The following APPBP2 variants were observed in gnomAD, a reference collection of about 807,000 sequenced individuals.
APPBP2 encodes amyloid beta precursor protein binding protein 2.
APPBP2 carries 15 observed loss-of-function variants against 76.0 expected under a neutral mutation model. The ratio of observed to expected loss-of-function variants is 0.20; its 90% CI spans 0.13 to 0.30. APPBP2 has a LOEUF of 0.30. APPBP2 is among the 10% of genes least tolerant of loss of function. The probability of loss-of-function intolerance (pLI) is 1.00; values close to 1 mark genes in which losing one functional copy is unlikely to be tolerated. For synonymous variants in APPBP2, 222 were observed against 242.2 expected (o/e 0.92, Z 0.77); for missense variants, 401 against 687.2 (o/e 0.58, Z 4.66).
chr17:60,482,466 T>C (rs1328024209), intron 3 of APPBP2, among the ~76,000 whole-genome samples: 3 of 152,196 alleles, frequency 2.0e-5, no homozygotes, highest in Non-Finnish European at 4.4e-5. Flanking sequence ...ATTATTATTA[T>C]ACTTTAAGTT....
intron 6 of APPBP2, chr17:60,462,578 C>G (rs1047235839): frequency 7.2e-5 from 11 of 153,086 alleles, no homozygotes; most frequent in African/African-American, 2.7e-4. Context: ...CCACTGTGCA[C>G]AGCTCTCAGT....
chr17:60,516,186 C>A (rs543517027), intron 1 of APPBP2, among the ~76,000 whole-genome samples: 115 of 151,160 alleles, frequency 7.6e-4, no homozygotes, highest in African/African-American at 2.4e-3. Context: ...AAAAAAAAAA[C>A]AAACAAAAAA....
chr17:60,454,070 C>T (rs2090415750), intron 11 of APPBP2, among the ~76,000 whole-genome samples: 1 of 152,074 alleles, frequency 6.6e-6, no homozygotes, highest in Non-Finnish European at 1.5e-5. Flanking sequence ...CCTATGTTGT[C>T]CAGGCTGGTC....
At chr17:60,470,431 T>A (rs781377659) in intron 4 of APPBP2, among the ~76,000 whole-genome samples, 24 of 152,028 alleles carry the variant, frequency 1.6e-4, no homozygotes, top group African/African-American at 2.2e-4. Context: ...GGCTGATTTT[T>A]AAAAAAATTA....
chr17:60,512,418 A>G (rs147935731), intron 1 of APPBP2, among the ~76,000 whole-genome samples: 19 of 152,236 alleles, frequency 1.2e-4, no homozygotes, highest in Non-Finnish European at 2.1e-4. Context: ...TTGCATATAG[A>G]AAAATTGAAT....
At chr17:60,470,954 C>T (rs560076193) in intron 4 of APPBP2, among the ~76,000 whole-genome samples, 160 of 149,546 alleles carry the variant, frequency 1.1e-3, no homozygotes, top group African/African-American at 4.0e-3. Flanking sequence ...CCACGCCTGG[C>T]TAATTTTTGT....
intron 4 of APPBP2, among the ~76,000 whole-genome samples, chr17:60,476,432 A>G (rs1032828818): frequency 9.9e-5 from 15 of 152,154 alleles, no homozygotes; most frequent in African/African-American, 3.1e-4. Context: ...TAATACCCCA[A>G]ATTTCTCTCT....
At chr17:60,507,042 T>C (rs969455242) in intron 1 of APPBP2, among the ~76,000 whole-genome samples, 3 of 151,914 alleles carry the variant, frequency 2.0e-5, no homozygotes, top group Non-Finnish European at 2.9e-5. Flanking sequence ...CTCAAAAAAA[T>C]AAAAATTTTT....
At chr17:60,508,814 A>G (rs1295853177) in intron 1 of APPBP2, among the ~76,000 whole-genome samples, 1 of 152,164 alleles carries the variant, frequency 6.6e-6, no homozygotes, top group Non-Finnish European at 1.5e-5. Flanking sequence ...AGTGAAACCC[A>G]TGAAGTCCCC....
At chr17:60,487,856 ATGGTGACCTACAGG>A (rs1327926781) in intron 3 of APPBP2, among the ~76,000 whole-genome samples, 1 of 152,122 alleles carries the variant, frequency 6.6e-6, no homozygotes, top group South Asian at 2.1e-4. Flanking sequence ...GTCTTTGATG[ATGGTGACCTACAGG>A]TGGGGTTTTG....
At chr17:60,500,265 C>T (rs1299589902) in intron 2 of APPBP2, 134 bp downstream of exon 2, 2 of 597,220 alleles carry the variant, frequency 3.3e-6, no homozygotes, top group Admixed American at 3.4e-5. Context: ...CCTCAGCCTC[C>T]CAAAGTGCTG....
chr17:60,501,573 T>C (rs1288569247), intron 1 of APPBP2, among the ~76,000 whole-genome samples: 8 of 152,146 alleles, frequency 5.3e-5, no homozygotes, highest in Admixed American at 3.9e-4. Flanking sequence ...TTTTTTTGTA[T>C]TTTTAGTAGA....
At chr17:60,451,624 C>T (rs911905212) in intron 12 of APPBP2, among the ~76,000 whole-genome samples, 4 of 152,052 alleles carry the variant, frequency 2.6e-5, no homozygotes, top group Non-Finnish European at 1.5e-5. Context: ...CAGACATGCA[C>T]CATCATGCCC....
intron 1 of APPBP2, among the ~76,000 whole-genome samples, chr17:60,519,763 T>A (rs371557619): frequency 2.0e-5 from 3 of 151,404 alleles, no homozygotes; most frequent in East Asian, 3.9e-4. Context: ...TTTATAATTT[T>A]AGTAGCCAAA....
intron 1 of APPBP2, among the ~76,000 whole-genome samples, chr17:60,515,183 T>C (rs1200831522): frequency 6.8e-6 from 1 of 148,074 alleles, no homozygotes; most frequent in East Asian, 2.0e-4. Context: ...TGGCACGATC[T>C]CAGCTCACTG....
chr17:60,482,308 A>G (rs2090636222), intron 3 of APPBP2, among the ~76,000 whole-genome samples: 1 of 150,876 alleles, frequency 6.6e-6, no homozygotes, highest in African/African-American at 2.5e-5. Context: ...CCTGTTAAGA[A>G]ATGTTTAATT....
chr17:60,477,179 A>G (rs1239681535), intron 4 of APPBP2, among the ~76,000 whole-genome samples: 1 of 152,214 alleles, frequency 6.6e-6, no homozygotes, highest in East Asian at 1.9e-4. Flanking sequence ...CTTGCTACAG[A>G]TGACAAACTA....
intron 6 of APPBP2, chr17:60,462,294 T>G (rs113439480): frequency 3.9e-4 from 168 of 432,892 alleles, no homozygotes; most frequent in African/African-American, 3.0e-3. Flanking sequence ...CAGTCAGTCC[T>G]AGTACAAATC....
intron 4 of APPBP2, among the ~76,000 whole-genome samples, chr17:60,474,358 G>C (rs771639156): frequency 6.6e-6 from 1 of 151,834 alleles, no homozygotes; most frequent in African/African-American, 2.4e-5. Flanking sequence ...ATTTTTAGTA[G>C]AGACAGGGTT....
Sources: allele counts gnomAD v4.1 joint callset (sites outside exome capture counted in the v4.1 genomes callset), GRCh38; gene constraint gnomAD v4.1.1; transcripts MANE v1.5; gene names NCBI Gene and HGNC (gene_info 2026-07-23, HGNC 2026-07-21).